MYO7B: variants seen among roughly 807,000 people sequenced by gnomAD.
MYO7B encodes myosin VIIB, also known as unconventional myosin-VIIb.
In MYO7B, 212 loss-of-function variants were observed where a neutral mutation model predicts 259.7. The observed-to-expected ratio is 0.82, with a 90% CI of 0.73 to 0.91. The LOEUF is 0.91. Among genes scored for constraint, MYO7B ranks in the 40% least tolerant of loss-of-function variants. The pLI is 0.00. For missense variants in MYO7B, 2,732 were observed against 2,813.5 expected (o/e 0.97, Z 0.66); for synonymous variants, 1,197 against 1,166.4 (o/e 1.03, Z -0.54).
In MYO7B at chr2:127,592,874, C is replaced by A; in HGVS notation, c.2073C>A (p.Phe691Leu). ...CCGTGCACATCCGCAAGTCGGGCTT[C>A]CCCATCCGCTACACGTTCGAGGAGT... ...METVHIRKSG[F>L]PIRYTFEEFS... Residue 691 changes from phenylalanine to leucine, a missense_variant, in exon 17 of 48, where the codon TTC (phenylalanine) becomes TTA (leucine). Coordinates refer to ENST00000409816, the MANE Select transcript of MYO7B (RefSeq NM_001393586.1). 6 of 1,610,150 alleles carry A rather than the reference C, an allele frequency of 3.7e-6. No individual in the cohort carries two copies. The highest frequency in any genetic ancestry group is 5.1e-6 in the Non-Finnish European group (6 of 1,178,718).
rs571039429 is a variant in MYO7B at position 127,559,538 on chromosome 2, A to G, written c.-23-162A>G. Among the ~76,000 whole-genome samples the G allele has an allele frequency of 2.0e-5, 3 of 152,348 alleles. No individual in the cohort carries two copies. The South Asian group carries it at 6.2e-4, about 32-fold the overall frequency. The stretch of plus-strand genomic sequence containing the variant: ...TGAGAACAGCTCTTGCACTTGGGCT[A>G]GGACTGTGACTCATTCATCCATTTA... On this transcript the variant is annotated intron_variant, in intron 1 of 47. Coordinates refer to ENST00000409816, the MANE Select transcript of MYO7B (RefSeq NM_001393586.1). This position sits in a 1 kb window ranked among gnomAD's most constrained non-coding sequence, Gnocchi z 4.1.
rs1027856262 is a variant in MYO7B, at chr2:127,550,598, C to T, written c.-23-9102C>T. ...CTCTAGGAGGAGATTTAGTGGTGCC[C>T]CAGAAGCAGAGGGAAAGTCAGGAAA... On this transcript the variant is annotated intron_variant, in intron 1 of 47. Transcript: ENST00000409816. Among the ~76,000 whole-genome samples, 11 of 151,278 alleles carry T rather than the reference C, an allele frequency of 7.3e-5. No individual in the cohort carries two copies. The East Asian group carries it at 1.2e-3, about 16-fold the overall frequency.
At position 127,607,414 on chromosome 2, in the gene MYO7B, G is replaced by A. The variant is rs1375052999; in HGVS notation, c.2633G>A (p.Arg878Lys). ...GCTGCCCGGCGCAACTTCCAGCAAA[G>A]GAAGGCCAATGTAGGTGGTCACCTG... ...GMAARRNFQQ[R>K]KANAPLVIPA... Residue 878 changes from arginine to lysine, a missense_variant, in exon 21 of 48, where the codon AGG becomes AAG. Physicochemically the swap from Arg to Lys is conservative, Grantham distance 26. Around this residue, in one of 3 missense-constraint regions of MYO7B, gnomAD observed 1,906 missense variants for 2,026.4 expected, o/e 0.94. Coordinates refer to ENST00000409816, the MANE Select transcript of MYO7B (RefSeq NM_001393586.1). This position sits in a 1 kb window ranked among gnomAD's most constrained non-coding sequence, Gnocchi z 4.4. The A allele has an allele frequency of 1.9e-6, 3 of 1,550,948 alleles. No homozygotes were observed. The highest frequency in any genetic ancestry group is 1.2e-5 in the South Asian group (1 of 84,042).
At chr2:127,603,555 A>G (rs1358885605) in intron 19 of MYO7B, among the ~76,000 whole-genome samples, 1 of 152,224 alleles carries the variant, frequency 6.6e-6, no homozygotes, top group East Asian at 1.9e-4. Flanking sequence ...TAAAATATTC[A>G]GTAAACCATG....
intron 19 of MYO7B, among the ~76,000 whole-genome samples, chr2:127,600,849 A>G (rs570695242): frequency 3.0e-4 from 45 of 152,254 alleles, no homozygotes; most frequent in African/African-American, 1.1e-3. Context: ...TCCTTCCAAA[A>G]TATATCCTTG....
At position 127,608,822 on chromosome 2, in the gene MYO7B, G is replaced by A. The variant is rs943673385; in HGVS notation, c.2758G>A (p.Gly920Ser). ...CACGGAGATGGTGGAGAAGGTGTTC[G>A]GCTTCCTCCCTGCCATGATTGGGGG... ...TDTEMVEKVF[G>S]FLPAMIGGQE... is the part of the protein sequence containing the mutation. The change falls in exon 22 of 48, where the codon GGC becomes AGC. Residue 920 changes from glycine to serine, a missense_variant. By Grantham distance (56) the Gly-to-Ser change is moderately conservative. Around this residue, in one of 3 missense-constraint regions of MYO7B, gnomAD observed 1,906 missense variants for 2,026.4 expected, o/e 0.94. Transcript: ENST00000409816. 6 of 1,613,364 alleles carry A rather than the reference G, an allele frequency of 3.7e-6. No homozygotes were observed. Among genetic ancestry groups the A allele is most frequent in the African/African-American group, 2.7e-5 (2 of 75,056 alleles).
intron 30 of MYO7B, 69 bp from the exon 31 acceptor site, chr2:127,625,299 G>C: frequency 1.4e-6 from 2 of 1,438,334 alleles, no homozygotes; most frequent in Non-Finnish European, 1.8e-6. Context: ...CACGGGACAG[G>C]GGCATCCTGG....
Position 127,588,696 on chromosome 2 carries a change from G to A in MYO7B, c.1854+141G>A, listed in dbSNP as rs975961677. The A allele has an allele frequency of 1.8e-4, 175 of 991,194 alleles. 1 individual carries two copies. Among genetic ancestry groups the A allele is most frequent in the Non-Finnish European group, 2.2e-4 (153 of 683,638 alleles). The allele number at this position is 991,194 out of a possible 1,614,324, so 61.4% of individuals were successfully genotyped here. A position where few individuals can be genotyped will look rare whatever the true frequency, so the allele number is the denominator to read the frequency against. ...TTGGGAATCCTGCAATGGATGGATG[G>A]ATGGGTGAATGGATGGGTGGGTGGA... On this transcript the variant is annotated intron_variant, in intron 15 of 47. Transcript: ENST00000409816.
At chr2:127,571,743 G>C (rs1002052829) in intron 6 of MYO7B, among the ~76,000 whole-genome samples, 2 of 152,068 alleles carry the variant, frequency 1.3e-5, no homozygotes, top group African/African-American at 4.8e-5. Context: ...GCCTCCCAAA[G>C]TGCTGGGATT....
chr2:127,567,231 C>T (rs761959394), intron 5 of MYO7B, among the ~76,000 whole-genome samples: 6 of 152,048 alleles, frequency 3.9e-5, no homozygotes, highest in Non-Finnish European at 7.4e-5. Context: ...TAGCAAGACC[C>T]TCTCTCTGTA....
At chr2:127,551,987 T>C (rs1001475943) in intron 1 of MYO7B, among the ~76,000 whole-genome samples, 3 of 152,170 alleles carry the variant, frequency 2.0e-5, no homozygotes, top group Admixed American at 6.5e-5. Flanking sequence ...TCCCCAGCCC[T>C]GCTCAGCTCC....
chr2:127,569,755 T>C, intron 5 of MYO7B, 34 bp from the exon 6 acceptor site: 1 of 1,584,356 alleles, frequency 6.3e-7, no homozygotes, highest in Non-Finnish European at 8.6e-7. Context: ...ATAGTCGTTT[T>C]GTGGCATCAT....
At chr2:127,561,467 C>T (rs1359342196) in intron 2 of MYO7B, among the ~76,000 whole-genome samples, 1 of 152,052 alleles carries the variant, frequency 6.6e-6, no homozygotes, top group Non-Finnish European at 1.5e-5. Context: ...CCACGTTGGC[C>T]AAGCTTGTCT....
intron 40 of MYO7B, 37 bp from the exon 41 acceptor site, chr2:127,634,139 C>T: frequency 6.6e-7 from 1 of 1,524,878 alleles, no homozygotes; most frequent in South Asian, 1.2e-5. Context: ...TGGCCCCTAG[C>T]CAGGCCCCGG....
chr2:127,573,821 G>T, intron 6 of MYO7B, 99 bp from the exon 7 acceptor site: 2 of 1,486,514 alleles, frequency 1.3e-6, no homozygotes, highest in African/African-American at 1.4e-5. Context: ...TCAATTCGAG[G>T]CTTGGCCACC....
Position 127,593,643 on chromosome 2 carries a change from G to A in MYO7B, c.2243G>A (p.Arg748Lys), listed in dbSNP as rs746010048. The change falls in exon 18 of 48, where the codon AGG (arginine) becomes AAG (lysine). Residue 748 changes from arginine (R) to lysine (K), a missense_variant and splice_region_variant. By Grantham distance (26) the Arg-to-Lys change is conservative. Coordinates refer to ENST00000409816, the MANE Select transcript of MYO7B (RefSeq NM_001393586.1). ...GCGGGGAAGACAAAAATTTTCCTGA[G>A]GGTGAGACCCCGAGGAACCAGCCAG... ...WKAGKTKIFL[R>K]DHQDTLLEVQ... 6.2e-7 allele frequency: 1 copy of A among 1,613,516 alleles called. No individual in the cohort carries two copies. The highest frequency in any genetic ancestry group is 2.2e-5 in the East Asian group (1 of 44,874).
intron 19 of MYO7B, among the ~76,000 whole-genome samples, chr2:127,605,412 G>A (rs2253005): frequency 0.34 from 51,414 of 152,004 alleles, 8,994 homozygotes; most frequent in South Asian, 0.38. Flanking sequence ...ACTGGTCAAC[G>A]TGGTGAAACT....
rs1254826226 is a variant in MYO7B at position 127,608,852 on chromosome 2, G to A, written c.2788G>A (p.Glu930Lys). ...GFLPAMIGGQEGQASPHFEDL... is the reference protein window; with the variant it reads ...GFLPAMIGGQKGQASPHFEDL... ...CCTCCCTGCCATGATTGGGGGCCAG[G>A]AGGGCCAGGCCTCGCCGCACTTTGA... The change falls in exon 22 of 48, where the codon GAG becomes AAG. Residue 930 changes from glutamate to lysine, a missense_variant. Glu to Lys is a moderately conservative substitution (Grantham distance 56). Around this residue, in one of 3 missense-constraint regions of MYO7B, gnomAD observed 1,906 missense variants for 2,026.4 expected, o/e 0.94. Transcript: ENST00000409816. The A allele has an allele frequency of 1.9e-6, 3 of 1,613,216 alleles. No individual in the cohort carries two copies. The highest frequency in any genetic ancestry group is 2.5e-6 in the Non-Finnish European group (3 of 1,179,794).
Position 127,559,850 on chromosome 2 carries a change from AC to A in MYO7B, c.18+112del. On this transcript the variant is annotated intron_variant, in intron 2 of 47. Coordinates refer to ENST00000409816, the MANE Select transcript of MYO7B (RefSeq NM_001393586.1). This position sits in a 1 kb window ranked among gnomAD's most constrained non-coding sequence, Gnocchi z 4.1. ...AGGCAATGAGACCCTATAGGAAAAT[AC>A]CAGAGACAGGGGAGTTTAGGAAACA... 2.3e-6 allele frequency: 3 copies of A among 1,288,408 alleles called. No individual in the cohort carries two copies. Among genetic ancestry groups the A allele is most frequent in the Non-Finnish European group, 3.4e-6 (3 of 885,218 alleles). The allele number at this position is 1,288,408 out of a possible 1,614,324, so 79.8% of individuals were successfully genotyped here. A position where few individuals can be genotyped will look rare whatever the true frequency, so the allele number is the denominator to read the frequency against.
Sources: gnomAD v4.1 joint callset for allele counts (sites outside exome capture counted in the v4.1 genomes callset) on GRCh38, gnomAD v4.1.1 for gene constraint, gnomAD v4.1.1 regional missense constraint, Gnocchi (gnomAD v3.1) non-coding constraint, MANE v1.5 for transcripts, NCBI Gene and HGNC (gene_info 2026-07-23, HGNC 2026-07-21) for gene names.